CCSER1: variants seen among roughly 807,000 people sequenced by gnomAD.
The protein encoded by CCSER1 is coiled-coil serine rich protein 1.
A neutral mutation model predicts 82.0 loss-of-function variants in CCSER1; 41 were observed. The observed-to-expected ratio is 0.50, with a 90% confidence interval of 0.39 to 0.65. CCSER1 has a LOEUF of 0.65. Among genes scored for constraint, CCSER1 ranks in the 30% least tolerant of loss-of-function variants. The pLI, the probability that CCSER1 is intolerant of heterozygous loss-of-function variation, is 0.00. For synonymous variants in CCSER1, 414 were observed against 383.9 expected, an observed-to-expected ratio of 1.08 and a Z score of -0.92; for missense variants, 1,119 against 1,064.2, an observed-to-expected ratio of 1.05 and a Z score of -0.72.
intron 5 of CCSER1, among the ~76,000 whole-genome samples, chr4:90,495,672 A>T (rs1244596010): frequency 2.0e-5 from 3 of 152,244 alleles, no homozygotes; most frequent in African/African-American, 7.2e-5. Context: ...TTTATAGATT[A>T]TATCATAATG....
intron 6 of CCSER1, among the ~76,000 whole-genome samples, chr4:90,722,112 T>G (rs1174074608): frequency 6.6e-6 from 1 of 151,764 alleles, no homozygotes; most frequent in Non-Finnish European, 1.5e-5. Flanking sequence ...ACCTTGACTT[T>G]GCACTCCTCA....
intron 10 of CCSER1, among the ~76,000 whole-genome samples, chr4:91,122,176 G>C (rs139308044): frequency 4.0e-5 from 6 of 151,818 alleles, no homozygotes; most frequent in African/African-American, 1.4e-4. Context: ...TTTAACAAGT[G>C]ATCCCTGATT....
At chr4:90,376,695 C>A (rs1420287463) in intron 3 of CCSER1, among the ~76,000 whole-genome samples, 4 of 151,998 alleles carry the variant, frequency 2.6e-5, no homozygotes, top group Non-Finnish European at 4.4e-5. Flanking sequence ...GGATATGGTC[C>A]CAGCCTCTGT....
chr4:90,952,687 A>G (rs765081344), intron 9 of CCSER1, among the ~76,000 whole-genome samples: 3 of 152,082 alleles, frequency 2.0e-5, no homozygotes, highest in Non-Finnish European at 4.4e-5. Context: ...AGTCTCTATT[A>G]TTCAAGGTGA....
chr4:90,489,011 A>G (rs2153603204), intron 5 of CCSER1, among the ~76,000 whole-genome samples: 1 of 152,306 alleles, frequency 6.6e-6, no homozygotes, highest in South Asian at 2.1e-4. Context: ...AAATATAACA[A>G]CTTGGATAAT....
At chr4:91,529,152 T>C (rs1760907173) in intron 10 of CCSER1, among the ~76,000 whole-genome samples, 1 of 152,144 alleles carries the variant, frequency 6.6e-6, no homozygotes, top group African/African-American at 2.4e-5. Flanking sequence ...TACCCATAGA[T>C]TAAATTAGTT....
intron 6 of CCSER1, among the ~76,000 whole-genome samples, chr4:90,633,733 G>T (rs1354105316): frequency 1.3e-5 from 2 of 151,734 alleles, no homozygotes; most frequent in Non-Finnish European, 2.9e-5. Flanking sequence ...TATTTGTTTG[G>T]CTGAGCTTAC....
intron 8 of CCSER1, among the ~76,000 whole-genome samples, chr4:90,902,202 T>C (rs1488548507): frequency 6.6e-6 from 1 of 151,972 alleles, no homozygotes; most frequent in Non-Finnish European, 1.5e-5. Context: ...TGCATTTTTT[T>C]TCTGGTTTCT....
intron 8 of CCSER1, among the ~76,000 whole-genome samples, chr4:90,843,955 T>C (rs1762879469): frequency 6.6e-6 from 1 of 152,078 alleles, no homozygotes; most frequent in Non-Finnish European, 1.5e-5. Flanking sequence ...TTTTTATATT[T>C]TCAGTACTCT....
At chr4:90,231,953 C>T (rs1358822080) in intron 1 of CCSER1, among the ~76,000 whole-genome samples, 3 of 151,228 alleles carry the variant, frequency 2.0e-5, no homozygotes, top group Non-Finnish European at 4.4e-5. Flanking sequence ...CTACAAACCA[C>T]TGCTCAAGGA....
At chr4:91,346,595 G>A (rs139289589) in intron 10 of CCSER1, among the ~76,000 whole-genome samples, 1,545 of 152,194 alleles carry the variant, frequency 0.01, 16 homozygotes, top group Non-Finnish European at 0.013. Flanking sequence ...GCTATTTTGC[G>A]TATCCACCAG....
chr4:90,748,160 A>T (rs1402791890), intron 7 of CCSER1, among the ~76,000 whole-genome samples: 1 of 141,394 alleles, frequency 7.1e-6, no homozygotes, highest in Non-Finnish European at 1.5e-5. Context: ...AGCATTAGGT[A>T]TATCTCCCGA....
intron 1 of CCSER1, among the ~76,000 whole-genome samples, chr4:90,276,298 CCTTCCTTCCTTTCTTTCTTTTTCTTT>C (rs1467737567): frequency 3.3e-5 from 4 of 123,024 alleles, no homozygotes; most frequent in Non-Finnish European, 5.0e-5. Context: ...TTCCTTCCTT[CCTTCCTTCCTTTCTTTCTTTTTCTTT>C]CTTTCTTTCT....
At chr4:91,226,084 G>T (rs914902714) in intron 10 of CCSER1, among the ~76,000 whole-genome samples, 1 of 151,780 alleles carries the variant, frequency 6.6e-6, no homozygotes, top group Non-Finnish European at 1.5e-5. Flanking sequence ...ATACAAGTGC[G>T]ATGTTGGTGT....
intron 6 of CCSER1, among the ~76,000 whole-genome samples, chr4:90,656,442 CAT>C (rs1227623823): frequency 6.6e-6 from 1 of 151,648 alleles, no homozygotes; most frequent in Non-Finnish European, 1.5e-5. Flanking sequence ...GTTAATCCTA[CAT>C]AGTCTAATAT....
intron 10 of CCSER1, among the ~76,000 whole-genome samples, chr4:91,570,756 G>A (rs1221897012): frequency 6.6e-6 from 1 of 152,176 alleles, no homozygotes; most frequent in East Asian, 1.9e-4. Context: ...TGCCATGAAG[G>A]TCTCTGACAT....
At chr4:91,401,546 C>T (rs1340795937) in intron 10 of CCSER1, among the ~76,000 whole-genome samples, 3 of 152,034 alleles carry the variant, frequency 2.0e-5, no homozygotes, top group African/African-American at 7.2e-5. Context: ...TATTCGTCCC[C>T]CCTCCCCCAA....
chr4:90,282,036 T>C (rs2153461020), intron 1 of CCSER1, among the ~76,000 whole-genome samples: 1 of 152,172 alleles, frequency 6.6e-6, no homozygotes. Context: ...CATTCTGTTA[T>C]CAATAGCGCT....
In CCSER1 at chr4:90,723,993, T is replaced by TA. The variant is rs1321114746; in HGVS notation, c.2010+8dup. On this transcript the variant is annotated splice_region_variant and intron_variant, in intron 7 of 10. Transcript: ENST00000509176. ...ACTGAAGAGCCAGTGCCTTTCAAGGTAAAAAACAAACAAGAAAGCATTATT... is the reference window on the plus strand; with the variant it reads ...ACTGAAGAGCCAGTGCCTTTCAAGGTAAAAAAACAAACAAGAAAGCATTATT... 2.3e-5 allele frequency: 35 copies of TA among 1,537,530 alleles called. No homozygotes were observed. Among genetic ancestry groups the TA allele is most frequent in the Non-Finnish European group, 2.7e-5 (30 of 1,130,508 alleles).
Sources: allele counts gnomAD v4.1 joint callset (sites outside exome capture counted in the v4.1 genomes callset), GRCh38; gene constraint gnomAD v4.1.1; transcripts MANE v1.5; gene names NCBI Gene and HGNC (gene_info 2026-07-23, HGNC 2026-07-21).